BRINP3: variants seen among roughly 807,000 people sequenced by gnomAD.
The protein encoded by BRINP3 is BMP/retinoic acid inducible neural specific 3.
Under a neutral mutation model 71.0 loss-of-function variants are expected in BRINP3, and 19 were observed. That is an observed-to-expected ratio of 0.27 (90% CI 0.19 to 0.39). The LOEUF (loss-of-function observed/expected upper bound fraction) is 0.39. Among genes scored for constraint, BRINP3 ranks in the 10% least tolerant of loss-of-function variants. BRINP3 has a pLI of 1.00. For synonymous variants in BRINP3, 380 were observed against 337.7 expected, an observed-to-expected ratio of 1.13 and a Z score of -1.37; for missense variants, 959 against 940.8, an observed-to-expected ratio of 1.02 and a Z score of -0.25.
rs114157935 is a variant in BRINP3 at position 190,341,221 on chromosome 1, T to C, written c.237-59471A>G. Among the ~76,000 whole-genome samples the C allele has an allele frequency of 2.1e-3, 313 of 151,988 alleles. 1 individual carries two copies. Among genetic ancestry groups the C allele is most frequent in the African/African-American group, 7.1e-3 (296 of 41,544 alleles). ...TTGGTTAGTTGAACAAACACCTCTG[T>C]CTTTTTCAATGCTAATCTATGGTGA... On this transcript the variant is annotated intron_variant, in intron 2 of 7. Transcript: ENST00000367462.
At chr1:190,112,524 A>G (rs1652781272) in intron 7 of BRINP3, among the ~76,000 whole-genome samples, 1 of 152,182 alleles carries the variant, frequency 6.6e-6, no homozygotes, top group African/African-American at 2.4e-5. Context: ...TTGTTTTTGC[A>G]CTGAAAAGCT....
chr1:190,347,014 T>C (rs920618194), intron 2 of BRINP3, among the ~76,000 whole-genome samples: 3 of 152,096 alleles, frequency 2.0e-5, no homozygotes, highest in African/African-American at 7.2e-5. Context: ...AAATAGCTTA[T>C]GGAAGGCAGG....
At chr1:190,397,176 C>A (rs1671633870) in intron 2 of BRINP3, among the ~76,000 whole-genome samples, 1 of 151,906 alleles carries the variant, frequency 6.6e-6, no homozygotes, top group Admixed American at 6.6e-5. Flanking sequence ...CCTTTGCAGC[C>A]TCTCTTACCT....
At position 190,234,480 on chromosome 1, in the gene BRINP3, G is replaced by A; in HGVS notation, c.619-3C>T. Reference sequence around the variant, plus strand: ...GGACCAGTCCGTGTTTCTGTTACCTGGCAAACAAAACATCAACTTTATTAT... The same window carrying A: ...GGACCAGTCCGTGTTTCTGTTACCTAGCAAACAAAACATCAACTTTATTAT... On this transcript the variant is annotated splice_polypyrimidine_tract_variant and splice_region_variant and intron_variant, in intron 4 of 7. Transcript: ENST00000367462. The A allele has an allele frequency of 3.1e-6, 5 of 1,607,584 alleles. No homozygotes were observed. The highest frequency in any genetic ancestry group is 4.3e-6 in the Non-Finnish European group (5 of 1,175,118).
rs535510055 is a variant in BRINP3 at position 190,411,940 on chromosome 1, A to G, written c.236+42715T>C. On this transcript the variant is annotated intron_variant, in intron 2 of 7. Coordinates refer to ENST00000367462, the MANE Select transcript of BRINP3 (RefSeq NM_199051.3). The stretch of plus-strand genomic sequence containing the variant: ...AGGAGTGGAGCTAGGAAAAAAATCG[A>G]CGACTGAAATTCTGTTAATAGAGCT... Among the ~76,000 whole-genome samples, 8 of 152,264 alleles carry G rather than the reference A, an allele frequency of 5.3e-5. No homozygotes were observed. The South Asian group carries it at 1.7e-3, about 32-fold the overall frequency.
Position 190,264,206 on chromosome 1 carries a change from T to A in BRINP3, c.618+659A>T, listed in dbSNP as rs534849986. Reference sequence around the variant, plus strand: ...CTCTCAATCTCTTTCTCTCATTTTCTTTTTTTTCTTTTGAAAATCAGAACT... The same window carrying A: ...CTCTCAATCTCTTTCTCTCATTTTCATTTTTTTCTTTTGAAAATCAGAACT... On this transcript the variant is annotated intron_variant, in intron 4 of 7. Transcript: ENST00000367462. 3.9e-4 allele frequency among the ~76,000 whole-genome samples: 42 copies of A among 108,830 alleles called. No individual in the cohort carries two copies. In the South Asian group the frequency reaches 6.1e-3, roughly 16 times the overall value. 71.4% of individuals were successfully genotyped at this position (108,830 alleles called of 152,430 possible). A position where few individuals can be genotyped will look rare whatever the true frequency, so the allele number is the denominator to read the frequency against.
intron 2 of BRINP3, among the ~76,000 whole-genome samples, chr1:190,304,080 A>T (rs1351603697): frequency 1.3e-5 from 2 of 151,828 alleles, no homozygotes; most frequent in African/African-American, 2.4e-5. Flanking sequence ...TTCTACACTT[A>T]TGCAAGTCTG....
intron 6 of BRINP3, among the ~76,000 whole-genome samples, chr1:190,171,335 C>A (rs1651992774): frequency 6.6e-6 from 1 of 152,110 alleles, no homozygotes; most frequent in South Asian, 2.1e-4. Context: ...TGGTGGAAAA[C>A]ACTTCACACC....
chr1:190,433,784 T>A (rs1674264558), intron 2 of BRINP3, among the ~76,000 whole-genome samples: 1 of 152,202 alleles, frequency 6.6e-6, no homozygotes, highest in South Asian at 2.1e-4. Flanking sequence ...AATTTTTGTT[T>A]ACAATATAAA....
intron 2 of BRINP3, among the ~76,000 whole-genome samples, chr1:190,432,749 T>C (rs1465940874): frequency 6.6e-6 from 1 of 152,174 alleles, no homozygotes; most frequent in African/African-American, 2.4e-5. Flanking sequence ...TGTGGAAATT[T>C]GTGCATTTGC....
In BRINP3 at chr1:190,260,168, A is replaced by G. The variant is rs111300871; in HGVS notation, c.618+4697T>C. The stretch of plus-strand genomic sequence containing the variant: ...GGTCATGAGGTCATGACAAGATATT[A>G]GGTCAATGAGCACAAAGTTGCAGTT... On this transcript the variant is annotated intron_variant, in intron 4 of 7. Coordinates refer to ENST00000367462, the MANE Select transcript of BRINP3 (RefSeq NM_199051.3). Among the ~76,000 whole-genome samples the G allele has an allele frequency of 2.0e-3, 299 of 152,184 alleles. 1 individual carries two copies. The highest frequency in any genetic ancestry group is 6.9e-3 in the African/African-American group (288 of 41,522).
chr1:190,230,109 A>T (rs945538496), intron 5 of BRINP3, among the ~76,000 whole-genome samples: 2 of 152,078 alleles, frequency 1.3e-5, no homozygotes, highest in East Asian at 3.9e-4. Context: ...GCAGAAGAAT[A>T]CGTTTAAAAG....
At chr1:190,229,642 C>T (rs1433694114) in intron 5 of BRINP3, among the ~76,000 whole-genome samples, 1 of 91,178 alleles carries the variant, frequency 1.1e-5, no homozygotes, top group African/African-American at 3.9e-5. Context: ...AAAAACAAAA[C>T]AAAACACACA....
chr1:190,464,870 A>AAT lies in BRINP3; in HGVS notation c.-50-9932_-50-9931dup, dbSNP rs768055086. 8.8e-4 allele frequency among the ~76,000 whole-genome samples: 134 copies of AAT among 152,124 alleles called. 1 individual carries two copies. The highest frequency in any genetic ancestry group is 1.5e-3 in the Non-Finnish European group (103 of 67,924). On this transcript the variant is annotated intron_variant, in intron 1 of 7. Coordinates refer to ENST00000367462, the MANE Select transcript of BRINP3 (RefSeq NM_199051.3). ...TCTTGTTTATTTTAGCTGATCAGGC[A>AAT]ATATAGTGCCCTGAATTACAGCTTT...
rs147052490 is a variant in BRINP3, at chr1:190,212,632, T to C, written c.961+13450A>G. 1.8e-3 allele frequency among the ~76,000 whole-genome samples: 279 copies of C among 152,244 alleles called. 1 individual carries two copies. Among genetic ancestry groups the C allele is most frequent in the Non-Finnish European group, 3.1e-3 (212 of 68,010 alleles). ...CTGAATCATCTTCTCCTCCAGGCAA[T>C]GTGAAGTGGCATTTCTCTGTTTCCT... On this transcript the variant is annotated intron_variant, in intron 6 of 7. Coordinates refer to ENST00000367462, the MANE Select transcript of BRINP3 (RefSeq NM_199051.3).
At chr1:190,361,424 G>A (rs1340755037) in intron 2 of BRINP3, among the ~76,000 whole-genome samples, 1 of 151,490 alleles carries the variant, frequency 6.6e-6, no homozygotes, top group African/African-American at 2.4e-5. Flanking sequence ...TTTTGTTTTT[G>A]ATGAAGTCTT....
At chr1:190,416,215 A>G (rs904794161) in intron 2 of BRINP3, among the ~76,000 whole-genome samples, 1 of 152,198 alleles carries the variant, frequency 6.6e-6, no homozygotes, top group African/African-American at 2.4e-5. Flanking sequence ...CTCCACACCC[A>G]TATTAGGTAA....
In BRINP3 at chr1:190,451,979, T is replaced by C. The variant is rs77393413; in HGVS notation, c.236+2676A>G. Reference sequence around the variant, plus strand: ...CCTTTCAGAAACAATGTCAATGCAATATTCCCCTAGAATGTGTTGATGATA... The same window carrying C: ...CCTTTCAGAAACAATGTCAATGCAACATTCCCCTAGAATGTGTTGATGATA... On this transcript the variant is annotated intron_variant, in intron 2 of 7. Transcript: ENST00000367462. Among the ~76,000 whole-genome samples, 283 of 152,316 alleles carry C rather than the reference T, an allele frequency of 1.9e-3. 5 individuals carry two copies. The East Asian group carries it at 0.028, about 15-fold the overall frequency.
chr1:190,401,946 T>A (rs748216438), intron 2 of BRINP3, among the ~76,000 whole-genome samples: 9 of 151,994 alleles, frequency 5.9e-5, no homozygotes, highest in Non-Finnish European at 1.2e-4. Context: ...ATATATATAT[T>A]TGATATGAAC....
Sources: gnomAD v4.1 joint callset for allele counts (sites outside exome capture counted in the v4.1 genomes callset) on GRCh38, gnomAD v4.1.1 for gene constraint, MANE v1.5 for transcripts, NCBI Gene and HGNC (gene_info 2026-07-23, HGNC 2026-07-21) for gene names.